The following ALMS1 variants were observed in gnomAD, a reference collection of about 807,000 sequenced individuals.
The protein encoded by ALMS1 is ALMS1 centrosome and basal body associated protein.
Under a neutral mutation model 352.2 loss-of-function variants are expected in ALMS1, and 271 were observed. That is an observed-to-expected ratio of 0.77 (90% confidence interval 0.70 to 0.85). ALMS1 has a LOEUF of 0.85. ALMS1 is among the 40% of genes least tolerant of loss of function. ALMS1 has a pLI of 0.00. For missense variants in ALMS1, 5,445 were observed against 4,870.7 expected (o/e 1.12, Z -3.51); for synonymous variants, 1,865 against 1,761.2 (o/e 1.06, Z -1.48).
chr2:73,485,722 C>T (rs1008357626), intron 9 of ALMS1, among the ~76,000 whole-genome samples: 4 of 151,750 alleles, frequency 2.6e-5, no homozygotes, highest in Admixed American at 2.0e-4. Flanking sequence ...TAGCAATCAG[C>T]GAGACTCCGT....
At chr2:73,543,145 A>C (rs188832749) in intron 12 of ALMS1, among the ~76,000 whole-genome samples, 10 of 152,354 alleles carry the variant, frequency 6.6e-5, no homozygotes, top group Non-Finnish European at 1.2e-4. Context: ...CCAAAACAGC[A>C]TGGTACTGGT....
intron 1 of ALMS1, among the ~76,000 whole-genome samples, chr2:73,406,427 A>G (rs1572903276): frequency 1.4e-5 from 2 of 139,102 alleles, no homozygotes; most frequent in Non-Finnish European, 3.1e-5. Context: ...CTGTTTTTTA[A>G]TCCTATGGGT....
chr2:73,443,079 C>CTGAATTACTAATGCAGA (rs1671748606), intron 7 of ALMS1, among the ~76,000 whole-genome samples: 1 of 152,126 alleles, frequency 6.6e-6, no homozygotes, highest in Admixed American at 6.5e-5. Context: ...TGAATTACTG[C>CTGAATTACTAATGCAGA]ATTAGTAATG....
intron 9 of ALMS1, among the ~76,000 whole-genome samples, chr2:73,488,493 G>T (rs1218216629): frequency 1.3e-5 from 2 of 152,166 alleles, no homozygotes; most frequent in South Asian, 2.1e-4. Context: ...TGGTGCCTGG[G>T]TCTACAGCTG....
intron 12 of ALMS1, among the ~76,000 whole-genome samples, chr2:73,535,634 A>G (rs1402555305): frequency 6.6e-6 from 1 of 152,200 alleles, no homozygotes; most frequent in Non-Finnish European, 1.5e-5. Flanking sequence ...TAGAATTTTA[A>G]ACTATCCTGC....
rs35062203 is a variant in ALMS1, at chr2:73,490,794, C to T, written c.8835C>T (p.Asn2945=). 3.7e-6 allele frequency: 6 copies of T among 1,614,058 alleles called. No individual in the cohort carries two copies. In the South Asian group the frequency reaches 4.4e-5, roughly 12 times the overall value. ...ATGTAGATCATCAAATGAGAGAAAA[C>T]CATTCTCCCCTTCCTCAAGGTCAGG... ...APYVDHQMRE[N]HSPLPQGQDS... is the part of the protein sequence containing the mutation. Residue 2945 remains asparagine (N), a synonymous_variant, in exon 10 of 23, where the codon AAC becomes AAT. Transcript: ENST00000613296.
intron 16 of ALMS1, among the ~76,000 whole-genome samples, chr2:73,581,354 C>T (rs1007886138): frequency 5.3e-5 from 8 of 152,154 alleles, no homozygotes; most frequent in Non-Finnish European, 1.2e-4. Context: ...AATACTCAGA[C>T]ATGTCAAAAC....
intron 9 of ALMS1, among the ~76,000 whole-genome samples, chr2:73,477,467 G>A (rs190418014): frequency 0.013 from 1,920 of 151,614 alleles, 11 homozygotes; most frequent in Non-Finnish European, 0.021. Context: ...TGGCTGTTCT[G>A]GGTTTATGAT....
chr2:73,553,429 G>A (rs1449250115), intron 13 of ALMS1, among the ~76,000 whole-genome samples: 1 of 152,132 alleles, frequency 6.6e-6, no homozygotes, highest in East Asian at 1.9e-4. Flanking sequence ...AGCCTGCAAG[G>A]AAAAAGTCGA....
At chr2:73,486,130 T>G (rs989639238) in intron 9 of ALMS1, among the ~76,000 whole-genome samples, 1 of 152,010 alleles carries the variant, frequency 6.6e-6, no homozygotes, top group African/African-American at 2.4e-5. Context: ...TGGATTGTCT[T>G]TTTTTTCCCT....
chr2:73,603,334 C>T (rs2104203260), intron 21 of ALMS1, 30 bp downstream of exon 21: 7 of 1,606,896 alleles, frequency 4.4e-6, no homozygotes, highest in Non-Finnish European at 6.0e-6. Context: ...AGTACGTATA[C>T]AAGTGTAAAC....
At chr2:73,441,779 G>GTT (rs148887496) in intron 7 of ALMS1, among the ~76,000 whole-genome samples, 10 of 148,982 alleles carry the variant, frequency 6.7e-5, no homozygotes, top group Non-Finnish European at 1.3e-4. Flanking sequence ...CTACCTTTCA[G>GTT]TTTTTTTTTT....
rs763907736 is a variant in ALMS1, at chr2:73,573,318, A to G, written c.11441A>G (p.Asn3814Ser). Residue 3814 changes from asparagine to serine, a missense_variant, in exon 16 of 23, where the codon AAC becomes AGC. Physicochemically the swap from Asn to Ser is conservative, Grantham distance 46 (BLOSUM62 1). Transcript: ENST00000613296. The part of the protein sequence containing the change: ...RRIKLYSSIT[N>S]QQRRYLEKRS... ...ATTAAATTATATAGCAGCATCACCA[A>G]CCAACAGAGGAGATACCTTGAGAAG... is the stretch of plus-strand genomic sequence containing the variant. 14 of 1,614,028 alleles carry G rather than the reference A, an allele frequency of 8.7e-6. No homozygotes were observed. Among genetic ancestry groups the G allele is most frequent in the South Asian group, 2.2e-5 (2 of 91,076 alleles).
intron 12 of ALMS1, among the ~76,000 whole-genome samples, chr2:73,539,577 G>A (rs1037488435): frequency 5.3e-5 from 8 of 152,132 alleles, no homozygotes; most frequent in South Asian, 2.1e-4. Flanking sequence ...AAACTACTCC[G>A]AGCTAAAGGA....
At chr2:73,557,439 A>C (rs1183052772) in intron 14 of ALMS1, 85 bp downstream of exon 14, 7 of 1,561,848 alleles carry the variant, frequency 4.5e-6, no homozygotes. Context: ...ACAGAAATAT[A>C]TTCTCTATTT....
At chr2:73,560,103 G>T (rs1674625903) in intron 15 of ALMS1, among the ~76,000 whole-genome samples, 4 of 152,184 alleles carry the variant, frequency 2.6e-5, no homozygotes. Context: ...TCTACAGAAT[G>T]AGAGAAGATA....
chr2:73,455,135 T>G, intron 8 of ALMS1, 27 bp from the exon 9 acceptor site: 1 of 1,611,770 alleles, frequency 6.2e-7, no homozygotes, highest in African/African-American at 1.3e-5. Flanking sequence ...TGCATTGTAT[T>G]ATCTCAAGTG....
At chr2:73,575,478 C>T (rs1675032574) in intron 16 of ALMS1, among the ~76,000 whole-genome samples, 1 of 152,198 alleles carries the variant, frequency 6.6e-6, no homozygotes, top group South Asian at 2.1e-4. Flanking sequence ...TCCTTGCCAA[C>T]ACTTATTTTC....
At chr2:73,541,987 A>G (rs1200303719) in intron 12 of ALMS1, among the ~76,000 whole-genome samples, 1 of 152,242 alleles carries the variant, frequency 6.6e-6, no homozygotes, top group Non-Finnish European at 1.5e-5. Flanking sequence ...CAATCAATAG[A>G]AAAAGAGGGA....
Sources: gnomAD v4.1 joint callset for allele counts (sites outside exome capture counted in the v4.1 genomes callset) on GRCh38, gnomAD v4.1.1 for gene constraint, MANE v1.5 for transcripts, NCBI Gene and HGNC (gene_info 2026-07-23, HGNC 2026-07-21) for gene names.